Variants in CASKIN1 observed in about 807,000 individuals in gnomAD.
The protein encoded by CASKIN1 is caskin-1.
CASKIN1 carries 42 observed loss-of-function variants against 117.5 expected under a neutral mutation model. The ratio of observed to expected loss-of-function variants is 0.36; its 90% CI spans 0.28 to 0.46. The LOEUF (loss-of-function observed/expected upper bound fraction) is 0.46, where lower values mean the gene tolerates loss of function less well. Ranked by LOEUF, CASKIN1 falls within the 20% of genes least tolerant of loss-of-function variation. CASKIN1 has a pLI of 1.00. For missense variants in CASKIN1, 2,083 were observed against 2,077.3 expected (o/e 1.00, Z -0.05); for synonymous variants, 1,148 against 961.7 (o/e 1.19, Z -3.59).
chr16:2,188,364 T>C (rs1473453379), intron 6 of CASKIN1, among the ~76,000 whole-genome samples: 3 of 151,254 alleles, frequency 2.0e-5, no homozygotes, highest in East Asian at 1.9e-4. Context: ...TTTTTTTTTT[T>C]TTTTGAGACA....
chr16:2,194,360 G>A (rs937902631), intron 1 of CASKIN1, among the ~76,000 whole-genome samples: 2 of 152,164 alleles, frequency 1.3e-5, no homozygotes, highest in East Asian at 3.9e-4. Context: ...CAGCTGCTAA[G>A]TGTGTGCGTG....
In CASKIN1 at chr16:2,185,323, C is replaced by A; in HGVS notation, c.1134G>T (p.Leu378=). 6.2e-7 allele frequency: 1 copy of A among 1,600,594 alleles called. No homozygotes were observed. Among genetic ancestry groups the A allele is most frequent in the Non-Finnish European group, 8.5e-7 (1 of 1,170,638 alleles). ...CCAGCCTACCTGCAAAAGGCTTCCT[C>A]AGCACCCAGATCTCCTCTGGGGGTG... ...PSAPPEEIWV[L]RKPFAGGDRS... is the part of the protein sequence containing the mutation. Residue 378 remains leucine (L), a synonymous_variant, in exon 11 of 20, where the codon CTG becomes CTT. Coordinates refer to ENST00000343516, the MANE Select transcript of CASKIN1 (RefSeq NM_020764.4).
intron 3 of CASKIN1, 45 bp downstream of exon 3, chr16:2,190,028 C>CG: frequency 4.0e-6 from 6 of 1,514,212 alleles, no homozygotes; most frequent in Non-Finnish European, 5.5e-6. Flanking sequence ...GCCCCCCTCG[C>CG]TGCCCCCGCC....
In CASKIN1 at chr16:2,179,307, C is replaced by A. The variant is rs1399015475; in HGVS notation, c.3794G>T (p.Gly1265Val). 4.9e-6 allele frequency: 6 copies of A among 1,231,286 alleles called. No homozygotes were observed. Among genetic ancestry groups the A allele is most frequent in the Non-Finnish European group, 5.1e-6 (5 of 988,418 alleles). The allele number at this position is 1,231,286 out of a possible 1,614,324, so 76.3% of individuals were successfully genotyped here. The change falls in exon 19 of 20, where the codon GGC (glycine) becomes GTC (valine). Residue 1265 changes from glycine to valine, a missense_variant. By Grantham distance (109) the Gly-to-Val change is moderately radical (BLOSUM62 -3). Around this residue, in one of 3 missense-constraint regions of CASKIN1, gnomAD observed 1,818 missense variants for 1,688.9 expected, o/e 1.08. Coordinates refer to ENST00000343516, the MANE Select transcript of CASKIN1 (RefSeq NM_020764.4). This position sits in a 1 kb window ranked among gnomAD's most constrained non-coding sequence, Gnocchi z 5.8. The part of the protein sequence containing the change: ...PGSPEVKRAH[G>V]TPPPVSPKPP... ...CTTGGGAGACACGGGCGGTGGCGTG[C>A]CGTGGGCGCGCTTCACCTCTGCGGG...
intron 14 of CASKIN1, 81 bp from the exon 15 acceptor site, chr16:2,184,022 C>G: frequency 1.0e-6 from 1 of 961,890 alleles, no homozygotes; most frequent in East Asian, 2.6e-5. Flanking sequence ...TCTGCTTGGC[C>G]GGCCAGCCGT....
In CASKIN1 at chr16:2,179,464, G is replaced by T; in HGVS notation, c.3775+129C>A. The T allele has an allele frequency of 7.2e-7, 1 of 1,394,490 alleles. No homozygotes were observed. Among genetic ancestry groups the T allele is most frequent in the Non-Finnish European group, 9.3e-7 (1 of 1,078,138 alleles). 86.4% of individuals were successfully genotyped at this position (1,394,490 alleles called of 1,614,324 possible). On this transcript the variant is annotated intron_variant, in intron 18 of 19. Transcript: ENST00000343516. The surrounding 1 kb of genome is among the most constrained non-coding windows in gnomAD (Gnocchi z 5.8). ...GCCCCCAGCCCTGGATGGATGAGAG[G>T]GTCTGGGGACACGTTCCCACCCCAC...
At chr16:2,194,070 T>G (rs772732428) in intron 1 of CASKIN1, among the ~76,000 whole-genome samples, 1 of 152,148 alleles carries the variant, frequency 6.6e-6, no homozygotes, top group Non-Finnish European at 1.5e-5. Flanking sequence ...ACCAGCCCTC[T>G]CACTGCTATC....
In CASKIN1 at chr16:2,185,213, G is replaced by T. The variant is rs1301536556; in HGVS notation, c.1151-14C>A. 6.2e-7 allele frequency: 1 copy of T among 1,611,222 alleles called. No homozygotes were observed. Among genetic ancestry groups the T allele is most frequent in the African/African-American group, 1.3e-5 (1 of 74,900 alleles). On this transcript the variant is annotated splice_polypyrimidine_tract_variant and intron_variant, in intron 11 of 19. Transcript: ENST00000343516. ...TTCGGTCCCCACCTGCCAGCACAAG[G>T]GAGCAAGATGAGGCCAGTGCCGGCC...
At position 2,187,103 on chromosome 16, in the gene CASKIN1, C is replaced by G. The variant is rs766729521; in HGVS notation, c.836-31G>C. On this transcript the variant is annotated intron_variant, in intron 8 of 19. Transcript: ENST00000343516. Reference sequence around the variant, plus strand: ...GATACAGGAGGGGGCCCCCGAAGTCCTGCGGGCTGATCTGGCCCAGCCCCA... The same window carrying G: ...GATACAGGAGGGGGCCCCCGAAGTCGTGCGGGCTGATCTGGCCCAGCCCCA... The G allele has an allele frequency of 1.3e-5, 21 of 1,613,162 alleles. No homozygotes were observed. In the South Asian group the frequency reaches 2.2e-4, roughly 17 times the overall value.
rs868757576 is a variant in CASKIN1, at chr16:2,180,558, G to A, written c.2810C>T (p.Ala937Val). The part of the protein sequence containing the change: ...DKNVNRSQSF[A>V]VRPRKKGPPP... ...GGGCCCCTTCTTTCGGGGCCGCACG[G>A]CAAAGGACTGGCTGCGGTTGACGTT... The change falls in exon 18 of 20, where the codon GCC becomes GTC. Residue 937 changes from alanine to valine, a missense_variant. Physicochemically the swap from Ala to Val is moderately conservative, Grantham distance 64. Transcript: ENST00000343516. 3 of 1,556,018 alleles carry A rather than the reference G, an allele frequency of 1.9e-6. No individual in the cohort carries two copies. Among genetic ancestry groups the A allele is most frequent in the Admixed American group, 1.9e-5 (1 of 53,290 alleles).
In CASKIN1 at chr16:2,180,614, G is replaced by C. The variant is rs765963275; in HGVS notation, c.2754C>G (p.His918Gln). 6.4e-7 allele frequency: 1 copy of C among 1,567,210 alleles called. No individual in the cohort carries two copies. The highest frequency in any genetic ancestry group is 8.6e-7 in the Non-Finnish European group (1 of 1,164,256). Residue 918 changes from histidine to glutamine, a missense_variant, in exon 18 of 20, where the codon CAC (histidine) becomes CAG (glutamine). This residue lies in a region of CASKIN1 where 1,818 missense variants were observed against 1,688.9 expected (regional missense o/e 1.08). Coordinates refer to ENST00000343516, the MANE Select transcript of CASKIN1 (RefSeq NM_020764.4). Reference sequence around the variant, plus strand: ...CGGCACCTGCGGGCGCCCTCACTGAGTGGCTGCGGCCCACGCGCCGCTGGA... The same window carrying C: ...CGGCACCTGCGGGCGCCCTCACTGACTGGCTGCGGCCCACGCGCCGCTGGA... Reference protein sequence around the residue: ...ATVQRRVGRSHSVRAPAGADK... With the variant: ...ATVQRRVGRSQSVRAPAGADK...
Position 2,183,573 on chromosome 16 carries a change from G to C in CASKIN1, c.1629+73C>G. ...TGAGGGCGGGTGGGAGTTGTGGCCA[G>C]GGAGGCAGGTTCTCTGTCTGTCTGT... On this transcript the variant is annotated intron_variant, in intron 16 of 19. Coordinates refer to ENST00000343516, the MANE Select transcript of CASKIN1 (RefSeq NM_020764.4). 4 of 1,468,890 alleles carry C rather than the reference G, an allele frequency of 2.7e-6. No individual in the cohort carries two copies. The South Asian group carries it at 4.8e-5, about 17-fold the overall frequency. The allele number at this position is 1,468,890 out of a possible 1,614,324, so 91.0% of individuals were successfully genotyped here. A position where few individuals can be genotyped will look rare whatever the true frequency, so the allele number is the denominator to read the frequency against.
At chr16:2,191,260 G>A (rs1188358527) in intron 1 of CASKIN1, among the ~76,000 whole-genome samples, 1 of 152,210 alleles carries the variant, frequency 6.6e-6, no homozygotes, top group East Asian at 1.9e-4. Flanking sequence ...GGGCAGGGGA[G>A]TTGAGGGAGT....
intron 1 of CASKIN1, among the ~76,000 whole-genome samples, chr16:2,193,217 A>G (rs2093205952): frequency 1.3e-5 from 2 of 152,146 alleles, no homozygotes; most frequent in East Asian, 1.9e-4. Context: ...GGGTTTCTCC[A>G]TGTTGGTCAG....
Position 2,184,855 on chromosome 16 carries a change from G to T in CASKIN1, c.1338C>A (p.Ser446=). 1 of 1,565,524 alleles carries T rather than the reference G, an allele frequency of 6.4e-7. No individual in the cohort carries two copies. The highest frequency in any genetic ancestry group is 2.0e-5 in the Admixed American group (1 of 51,152). The part of the protein sequence containing the change: ...PPEGSAGVAR[S]QPPVAHAGQV... ...GCCCGGCGTGGGCCACTGGAGGCTG[G>T]GACCGGGCCACACCTGAGGACGAGA... is the stretch of plus-strand genomic sequence containing the variant. Residue 446 remains serine (S), a synonymous_variant, in exon 14 of 20, where the codon TCC becomes TCA. Coordinates refer to ENST00000343516, the MANE Select transcript of CASKIN1 (RefSeq NM_020764.4).
At chr16:2,189,964 AGACTGAGACCCTG>A in intron 3 of CASKIN1, 96 bp downstream of exon 3, 1 of 1,054,696 alleles carries the variant, frequency 9.5e-7, no homozygotes, top group South Asian at 1.5e-5. Context: ...GCCTGAAATC[AGACTGAGACCCTG>A]GGCTGAGACC....
rs1045336055 is a variant in CASKIN1, at chr16:2,180,747, C to G, written c.2621G>C (p.Gly874Ala). The change falls in exon 18 of 20, where the codon GGG becomes GCG. Residue 874 changes from glycine to alanine, a missense_variant. Transcript: ENST00000343516. ...CLPPEADAEPGRPKKRAHSLN... is the reference protein window; with the variant it reads ...CLPPEADAEPARPKKRAHSLN... ...GCTGTGGGCCCGCTTCTTGGGCCGC[C>G]CCGGCTCCGCGTCGGCCTCAGGGGG... 9 of 1,439,890 alleles carry G rather than the reference C, an allele frequency of 6.3e-6. No individual in the cohort carries two copies. In the Admixed American group the frequency reaches 8.4e-5, roughly 13 times the overall value. 89.2% of individuals were successfully genotyped at this position (1,439,890 alleles called of 1,614,324 possible).
At position 2,180,374 on chromosome 16, in the gene CASKIN1, G is replaced by C. The variant is rs559809096; in HGVS notation, c.2994C>G (p.Ala998=). ...DLAGSVDTGS[A]GSVKSIAAML... Reference sequence around the variant, plus strand: ...TGGCCGCGATGCTCTTCACACTGCCGGCACTACCCGTGTCCACGCTGCCGG... The same window carrying C: ...TGGCCGCGATGCTCTTCACACTGCCCGCACTACCCGTGTCCACGCTGCCGG... The change falls in exon 18 of 20, where the codon GCC becomes GCG. Residue 998 remains alanine, a synonymous_variant. Transcript: ENST00000343516. 4 of 1,592,578 alleles carry C rather than the reference G, an allele frequency of 2.5e-6. No homozygotes were observed. The highest frequency in any genetic ancestry group is 2.2e-5 in the South Asian group (2 of 89,798).
At position 2,181,094 on chromosome 16, in the gene CASKIN1, G is replaced by A. The variant is rs546211696; in HGVS notation, c.2274C>T (p.Pro758=). ...GGACCTGCCGTGGCTTGCCAGGCAC[G>A]GGGGGCACGCTGGCCCTCTTGATGC... is the stretch of plus-strand genomic sequence containing the variant. ...GHSIKRASVP[P]VPGKPRQVLP... is the part of the protein sequence containing the mutation. Residue 758 remains proline, a synonymous_variant, in exon 18 of 20, where the codon CCC becomes CCT. Transcript: ENST00000343516. 532 of 1,479,394 alleles carry A rather than the reference G, an allele frequency of 3.6e-4. 6 individuals are homozygous for A. The South Asian group carries it at 4.9e-3, about 14-fold the overall frequency. The allele number at this position is 1,479,394 out of a possible 1,614,324, so 91.6% of individuals were successfully genotyped here.
Sources: allele counts gnomAD v4.1 joint callset (sites outside exome capture counted in the v4.1 genomes callset), GRCh38; gene constraint gnomAD v4.1.1; regional missense constraint gnomAD v4.1.1; non-coding constraint Gnocchi (gnomAD v3.1); transcripts MANE v1.5; gene names NCBI Gene and HGNC (gene_info 2026-07-23, HGNC 2026-07-21).